Variants in MSI2 observed in about 807,000 individuals in gnomAD.
MSI2 encodes RNA-binding protein Musashi homolog 2.
In MSI2, 17 loss-of-function variants were observed where a neutral mutation model predicts 45.6. The ratio of observed to expected loss-of-function variants is 0.37; its 90% CI spans 0.26 to 0.56. MSI2 has a LOEUF of 0.56. MSI2 is among the 20% of genes least tolerant of loss of function. MSI2 has a pLI of 0.77. For synonymous variants in MSI2, 156 were observed against 158.2 expected, an observed-to-expected ratio of 0.99 and a Z score of 0.11; for missense variants, 293 against 444.2, an observed-to-expected ratio of 0.66 and a Z score of 3.06.
chr17:57,588,225 A>G (rs1416849824), intron 7 of MSI2, among the ~76,000 whole-genome samples: 1 of 152,200 alleles, frequency 6.6e-6, no homozygotes. Context: ...AGTCTCAAGT[A>G]TCTGCCTCTG....
intron 7 of MSI2, chr17:57,532,353 C>G (rs2144078935): frequency 6.6e-6 from 1 of 152,328 alleles, no homozygotes; most frequent in Middle Eastern, 3.4e-3. Context: ...ACTGCCCTCC[C>G]TCTCATCCAG....
Position 57,564,801 on chromosome 17 carries a change from G to A in MSI2, c.455-32067G>A, listed in dbSNP as rs1356435374. Among the ~76,000 whole-genome samples the A allele has an allele frequency of 5.9e-5, 9 of 152,340 alleles. No individual in the cohort carries two copies. The South Asian group carries it at 8.3e-4, about 14-fold the overall frequency. On this transcript the variant is annotated intron_variant, in intron 7 of 13. Transcript: ENST00000284073. ...GATGCGAGCACACAGTAGGTACTGA[G>A]TAATGCAGTTATGAACCCCTGCTGC...
intron 11 of MSI2, among the ~76,000 whole-genome samples, chr17:57,659,237 T>A (rs1007840203): frequency 6.6e-6 from 1 of 151,486 alleles, no homozygotes; most frequent in Admixed American, 6.6e-5. Context: ...GGTTTTTTTG[T>A]GTGTTTTTTG....
chr17:57,463,186 T>C (rs924009861), intron 6 of MSI2, among the ~76,000 whole-genome samples: 13 of 152,184 alleles, frequency 8.5e-5, no homozygotes, highest in Admixed American at 2.6e-4. Context: ...CAAGGGTGGC[T>C]TGTTTTCCGT....
intron 9 of MSI2, chr17:57,618,394 G>C (rs1229350831): frequency 6.6e-6 from 1 of 152,074 alleles, no homozygotes; most frequent in African/African-American, 2.4e-5. Flanking sequence ...AGCAAGACCT[G>C]TTTCTGAAAA....
At chr17:57,550,383 G>A (rs903905453) in intron 7 of MSI2, among the ~76,000 whole-genome samples, 3 of 152,196 alleles carry the variant, frequency 2.0e-5, no homozygotes, top group Admixed American at 6.5e-5. Context: ...GTTAACAAAA[G>A]TGCTTAAGAA....
rs545890455 is a variant in MSI2 at position 57,677,164 on chromosome 17, T to C, written c.*31+105T>C. The C allele has an allele frequency of 1.3e-3, 1,021 of 786,002 alleles. 3 individuals carry two copies. Among genetic ancestry groups the C allele is most frequent in the Non-Finnish European group, 2.0e-3 (885 of 448,200 alleles). The allele number at this position is 786,002 out of a possible 1,614,324, so 48.7% of individuals were successfully genotyped here. ...GTGCCCCTGTCTCATCACATCCACATCTCTCTCTCCTCTTTCTGGACCCCT... is the reference window on the plus strand; with the variant it reads ...GTGCCCCTGTCTCATCACATCCACACCTCTCTCTCCTCTTTCTGGACCCCT... On this transcript the variant is annotated intron_variant, in intron 13 of 13. Transcript: ENST00000284073.
At chr17:57,540,536 G>A (rs1014425493) in intron 7 of MSI2, among the ~76,000 whole-genome samples, 3 of 152,202 alleles carry the variant, frequency 2.0e-5, no homozygotes, top group Non-Finnish European at 2.9e-5. Flanking sequence ...TTAGAAAGAG[G>A]GTCTTTGGAG....
chr17:57,472,855 T>C (rs2085465218), intron 6 of MSI2, among the ~76,000 whole-genome samples: 1 of 151,896 alleles, frequency 6.6e-6, no homozygotes, highest in Admixed American at 6.6e-5. Context: ...GGGCACACTA[T>C]CCATCATTGA....
chr17:57,530,173 GT>G (rs1173658072), intron 7 of MSI2, among the ~76,000 whole-genome samples: 1 of 152,204 alleles, frequency 6.6e-6, no homozygotes, highest in African/African-American at 2.4e-5. Context: ...TGGGTGTGTA[GT>G]GATTACAGCC....
In MSI2 at chr17:57,611,164, G is replaced by A. The variant is rs566530435; in HGVS notation, c.538-4806G>A. ...GTAGCAGCAGCCACTGTGAGAAGCC[G>A]TTGGTGCAGGAGACTCAAGGACTGA... On this transcript the variant is annotated intron_variant, in intron 8 of 13. Coordinates refer to ENST00000284073, the MANE Select transcript of MSI2 (RefSeq NM_138962.4). 5.2e-5 allele frequency among the ~76,000 whole-genome samples: 5 copies of A among 96,242 alleles called. 1 individual carries two copies. The highest frequency in any genetic ancestry group is 1.6e-4 in the African/African-American group (5 of 30,980). The allele number at this position is 96,242 out of a possible 152,430, so 63.1% of individuals were successfully genotyped here. A position where few individuals can be genotyped will look rare whatever the true frequency, so the allele number is the denominator to read the frequency against.
chr17:57,324,907 G>A (rs145783366), intron 5 of MSI2, among the ~76,000 whole-genome samples: 424 of 152,290 alleles, frequency 2.8e-3, no homozygotes, highest in African/African-American at 9.4e-3. Context: ...CTGCTTGTGA[G>A]CTGGAGGAGA....
intron 5 of MSI2, among the ~76,000 whole-genome samples, chr17:57,392,198 C>T (rs1415709536): frequency 2.6e-5 from 4 of 152,222 alleles, no homozygotes; most frequent in Admixed American, 2.6e-4. Context: ...CCCCAGCCCC[C>T]AATAGGAGTC....
At chr17:57,689,765 A>G in the MSI2 span, among the ~76,000 whole-genome samples, 1 of 152,206 alleles carries the variant, frequency 6.6e-6, no homozygotes, top group African/African-American at 2.4e-5. Context: ...CTAAAGTTTC[A>G]TATAACTTGA....
chr17:57,520,552 G>A (rs949082928), intron 6 of MSI2, among the ~76,000 whole-genome samples: 7 of 152,308 alleles, frequency 4.6e-5, no homozygotes, highest in Non-Finnish European at 1.0e-4. Context: ...TTCGAGAAAT[G>A]TTCTTAATGC....
At chr17:57,479,979 G>T (rs1288424466) in intron 6 of MSI2, among the ~76,000 whole-genome samples, 1 of 152,136 alleles carries the variant, frequency 6.6e-6, no homozygotes, top group Admixed American at 6.6e-5. Flanking sequence ...ACTCATGAAG[G>T]TCCATTTATT....
intron 5 of MSI2, chr17:57,265,558 A>G (rs1486544439): frequency 6.6e-6 from 1 of 152,214 alleles, no homozygotes; most frequent in East Asian, 1.9e-4. Flanking sequence ...TTAATAAGTC[A>G]CCAAAGGAAG....
chr17:57,687,014 C>A (rs538223057), downstream of MSI2, among the ~76,000 whole-genome samples: 4 of 147,058 alleles, frequency 2.7e-5, no homozygotes, highest in East Asian at 3.9e-4. Context: ...AGCCCCCCCC[C>A]CAAAAAATTT....
At chr17:57,633,093 T>C (rs1267058288) in intron 10 of MSI2, 2 of 1,033,000 alleles carry the variant, frequency 1.9e-6, no homozygotes, top group African/African-American at 3.4e-5. Flanking sequence ...TTCATCTCTG[T>C]AAATAGTTCA....
Sources: allele counts gnomAD v4.1 joint callset (sites outside exome capture counted in the v4.1 genomes callset), GRCh38; gene constraint gnomAD v4.1.1; transcripts MANE v1.5; gene names NCBI Gene and HGNC (gene_info 2026-07-23, HGNC 2026-07-21).